SCFD1: variants seen among roughly 807,000 people sequenced by gnomAD.
The protein encoded by SCFD1 is sec1 family domain-containing protein 1.
SCFD1 carries 37 observed loss-of-function variants against 103.2 expected under a neutral mutation model. The ratio of observed to expected loss-of-function variants is 0.36; its 90% confidence interval spans 0.28 to 0.47. SCFD1 has a LOEUF of 0.47. Ranked by LOEUF, SCFD1 falls within the 20% of genes least tolerant of loss-of-function variation. The pLI is 1.00. For missense variants in SCFD1, 639 were observed against 761.2 expected (o/e 0.84, Z 1.89); for synonymous variants, 264 against 245.0 (o/e 1.08, Z -0.73).
chr14:30,712,434 T>TAAGAG (rs1891949279), intron 19 of SCFD1, among the ~76,000 whole-genome samples: 1 of 152,194 alleles, frequency 6.6e-6, no homozygotes, highest in Non-Finnish European at 1.5e-5. Context: ...TGGCTAATTC[T>TAAGAG]AAGAGAACTC....
chr14:30,673,749 C>T (rs1249859151), intron 12 of SCFD1, among the ~76,000 whole-genome samples, 175 bp from the exon 13 acceptor site: 1 of 152,150 alleles, frequency 6.6e-6, no homozygotes, highest in East Asian at 1.9e-4. Flanking sequence ...TTTTATGTAA[C>T]ATTAAAATAT....
intron 23 of SCFD1, among the ~76,000 whole-genome samples, chr14:30,723,927 G>C (rs1194231307): frequency 6.6e-6 from 1 of 152,044 alleles, no homozygotes; most frequent in Non-Finnish European, 1.5e-5. Flanking sequence ...TAATGGGATT[G>C]CAGGGTTGAA....
chr14:30,711,351 T>C (rs6571360), intron 19 of SCFD1, among the ~76,000 whole-genome samples: 11,954 of 152,280 alleles, frequency 0.079, 773 homozygotes, highest in African/African-American at 0.17. Context: ...CTCACGCCTG[T>C]AACCCCAGTA....
At chr14:30,703,910 CATATATATATATAT>C (rs71443380) in intron 17 of SCFD1, among the ~76,000 whole-genome samples, 67 of 39,542 alleles carry the variant, frequency 1.7e-3, no homozygotes, top group Non-Finnish European at 3.0e-3. Flanking sequence ...GGAATATTTG[CATATATATATATAT>C]ATATATATAT....
intron 1 of SCFD1, among the ~76,000 whole-genome samples, chr14:30,626,536 G>A (rs1594542101): frequency 6.6e-6 from 1 of 152,160 alleles, no homozygotes; most frequent in African/African-American, 2.4e-5. Flanking sequence ...GCCAGGTGGA[G>A]GTTGTTAGGG....
At chr14:30,728,808 T>C (rs528463750) in intron 23 of SCFD1, among the ~76,000 whole-genome samples, 2 of 151,742 alleles carry the variant, frequency 1.3e-5, no homozygotes, top group East Asian at 1.9e-4. Flanking sequence ...TGTATATCTT[T>C]GGAGAAATGT....
chr14:30,705,131 A>G (rs1389460812), intron 17 of SCFD1, among the ~76,000 whole-genome samples: 5 of 152,212 alleles, frequency 3.3e-5, no homozygotes, highest in African/African-American at 1.2e-4. Context: ...ACTGTATGCA[A>G]TTAAGTGTAA....
intron 14 of SCFD1, among the ~76,000 whole-genome samples, chr14:30,681,140 G>C (rs925223851): frequency 6.6e-6 from 1 of 151,044 alleles, no homozygotes; most frequent in Non-Finnish European, 1.5e-5. Flanking sequence ...AGAATTGCTT[G>C]AACCTAGGAG....
chr14:30,673,433 A>T lies in SCFD1; in HGVS notation c.1086+86A>T, dbSNP rs566033539. 2.6e-4 allele frequency: 163 copies of T among 616,414 alleles called. No homozygotes were observed. The African/African-American group carries it at 2.7e-3, about 10-fold the overall frequency. 38.2% of individuals were successfully genotyped at this position (616,414 alleles called of 1,614,324 possible). A position where few individuals can be genotyped will look rare whatever the true frequency, so the allele number is the denominator to read the frequency against. On this transcript the variant is annotated intron_variant, in intron 12 of 24. Coordinates refer to ENST00000458591, the MANE Select transcript of SCFD1 (RefSeq NM_016106.4). ...GAGATTTGGGTTTTTTTCCTTATAA[A>T]AATTGAAGGCCATTTAATGCTTTTA...
At chr14:30,643,430 A>G (rs1477750351) in intron 7 of SCFD1, 25 bp downstream of exon 7, 1 of 1,446,714 alleles carries the variant, frequency 6.9e-7, no homozygotes, top group Non-Finnish European at 9.7e-7. Flanking sequence ...CTTTCTGGTT[A>G]TTCTTCAAAG....
At chr14:30,638,384 G>T in intron 5 of SCFD1, 137 bp downstream of exon 5, 1 of 1,234,026 alleles carries the variant, frequency 8.1e-7, no homozygotes, top group Non-Finnish European at 1.1e-6. Flanking sequence ...CTTTTATAAA[G>T]AGTTCTGATA....
intron 14 of SCFD1, among the ~76,000 whole-genome samples, chr14:30,691,857 A>G (rs1163440612): frequency 6.6e-6 from 1 of 152,242 alleles, no homozygotes; most frequent in African/African-American, 2.4e-5. Flanking sequence ...CTGTACTTAC[A>G]TAAGTCAGTG....
chr14:30,632,140 T>G (rs1046750860), intron 3 of SCFD1, among the ~76,000 whole-genome samples: 2 of 151,914 alleles, frequency 1.3e-5, no homozygotes, highest in African/African-American at 4.8e-5. Context: ...GAGTCCAATT[T>G]TATGGTGTTC....
At chr14:30,697,781 A>T (rs1276127097) in intron 15 of SCFD1, among the ~76,000 whole-genome samples, 1 of 152,224 alleles carries the variant, frequency 6.6e-6, no homozygotes, top group East Asian at 1.9e-4. Context: ...ACCAGCCTAT[A>T]GTCTTAAAAA....
At chr14:30,670,706 T>C (rs1245271434) in intron 11 of SCFD1, among the ~76,000 whole-genome samples, 1 of 152,118 alleles carries the variant, frequency 6.6e-6, no homozygotes, top group Non-Finnish European at 1.5e-5. Context: ...GCCTTTCATT[T>C]AAATTGGCTT....
intron 15 of SCFD1, among the ~76,000 whole-genome samples, chr14:30,695,910 T>TA (rs199780612): frequency 2.0e-4 from 30 of 150,266 alleles, no homozygotes; most frequent in South Asian, 8.5e-4. Context: ...GCAAAAATAG[T>TA]AAAAAAAAAA....
intron 11 of SCFD1, among the ~76,000 whole-genome samples, chr14:30,672,792 C>A (rs1215200537): frequency 6.6e-6 from 1 of 152,138 alleles, no homozygotes; most frequent in Non-Finnish European, 1.5e-5. Flanking sequence ...TTCTGAGTTA[C>A]AAGAATTTTT....
At chr14:30,682,900 G>C (rs1387810741) in intron 14 of SCFD1, 1 of 380,016 alleles carries the variant, frequency 2.6e-6, no homozygotes, top group Non-Finnish European at 4.7e-6. Flanking sequence ...CATCACAAGG[G>C]CTCAACTGAG....
intron 10 of SCFD1, among the ~76,000 whole-genome samples, chr14:30,668,734 A>G (rs1257937953): frequency 2.6e-5 from 4 of 152,076 alleles, no homozygotes; most frequent in Non-Finnish European, 4.4e-5. Context: ...TCAAAAAGTG[A>G]GCGAAGGATA....
Sources: gnomAD v4.1 joint callset for allele counts (sites outside exome capture counted in the v4.1 genomes callset) on GRCh38, gnomAD v4.1.1 for gene constraint, MANE v1.5 for transcripts, NCBI Gene and HGNC (gene_info 2026-07-23, HGNC 2026-07-21) for gene names.